ZNF135: variants seen among roughly 807,000 people sequenced by gnomAD.
ZNF135 encodes the protein zinc finger protein 135 (clone pHZ-17).
In ZNF135, 11 loss-of-function variants were observed where a neutral mutation model predicts 12.3. The ratio of observed to expected loss-of-function variants is 0.89; its 90% CI spans 0.56 to 1.48. ZNF135 has a LOEUF of 1.48. Among genes scored for constraint, ZNF135 ranks in the 40% most tolerant of loss-of-function variants. The probability of loss-of-function intolerance (pLI) is 0.00; values close to 1 mark genes in which losing one functional copy is unlikely to be tolerated. For missense variants in ZNF135, 722 were observed against 815.7 expected, an observed-to-expected ratio of 0.89 and a Z score of 1.40; for synonymous variants, 316 against 312.0, an observed-to-expected ratio of 1.01 and a Z score of -0.14.
chr19:58,062,539 C>T (rs553047790), intron 3 of ZNF135, among the ~76,000 whole-genome samples: 124 of 135,028 alleles, frequency 9.2e-4, no homozygotes, highest in Middle Eastern at 3.7e-3. Flanking sequence ...CCCACCACCA[C>T]GCCTGGCTAA....
Position 58,068,409 on chromosome 19 carries a change from C to A in ZNF135, c.1925C>A (p.Ala642Asp), listed in dbSNP as rs1432719176. The change falls in exon 5 of 5, where the codon GCC becomes GAC. Residue 642 changes from alanine to aspartate, a missense_variant. By Grantham distance (126) the Ala-to-Asp change is moderately radical (BLOSUM62 -2). Coordinates refer to ENST00000313434, the MANE Select transcript of ZNF135 (RefSeq NM_001289401.2). The stretch of plus-strand genomic sequence containing the variant: ...TATGCATGCAGGGACTGTGGAAAGG[C>A]CTTTACCCACAGCTCCTCCCTTACC... ...KPYACRDCGK[A>D]FTHSSSLTKH... 6.2e-7 allele frequency: 1 copy of A among 1,614,152 alleles called. No homozygotes were observed. The highest frequency in any genetic ancestry group is 2.2e-5 in the East Asian group (1 of 44,888).
At position 58,069,031 on chromosome 19, in the gene ZNF135, TACTG is replaced by T. The variant is rs2074126317; in HGVS notation, c.*575_*578del. On this transcript the variant is annotated 3_prime_UTR_variant, in exon 5 of 5. Coordinates refer to ENST00000313434, the MANE Select transcript of ZNF135 (RefSeq NM_001289401.2). ...GGCATCTTTATGGAATCACTGTGGA[TACTG>T]ACTGTCTCAGTAAACAGCTGTCTTG... 1 of 157,674 alleles carries T rather than the reference TACTG, an allele frequency of 6.3e-6. No homozygotes were observed. The highest frequency in any genetic ancestry group is 1.9e-4 in the South Asian group (1 of 5,348). The allele number at this position is 157,674 out of a possible 1,614,324, so 9.8% of individuals were successfully genotyped here.
At position 58,059,422 on chromosome 19, in the gene ZNF135, C is replaced by T. The variant is rs1028386273; in HGVS notation, c.-35+112C>T. The T allele has an allele frequency of 4.0e-6, 4 of 1,002,156 alleles. No individual in the cohort carries two copies. The highest frequency in any genetic ancestry group is 1.7e-5 in the African/African-American group (1 of 57,766). 62.1% of individuals were successfully genotyped at this position (1,002,156 alleles called of 1,614,324 possible). ...CCCTGGCGGGGCGAGTTTCCAGCAGCGCGCGTCTGTGTGGAGTCCGTTTTG... is the reference window on the plus strand; with the variant it reads ...CCCTGGCGGGGCGAGTTTCCAGCAGTGCGCGTCTGTGTGGAGTCCGTTTTG... On this transcript the variant is annotated intron_variant, in intron 1 of 4. Transcript: ENST00000313434. This position sits in a 1 kb window ranked among gnomAD's most constrained non-coding sequence, Gnocchi z 6.5.
intron 3 of ZNF135, among the ~76,000 whole-genome samples, chr19:58,062,475 C>T (rs1343450180): frequency 3.9e-5 from 6 of 152,056 alleles, no homozygotes; most frequent in Admixed American, 6.6e-5. Context: ...CTCTGCCTCC[C>T]GGGTTCACAC....
At chr19:58,061,821 CT>C in intron 3 of ZNF135, 115 bp downstream of exon 3, 1 of 1,358,136 alleles carries the variant, frequency 7.4e-7, no homozygotes, top group Non-Finnish European at 9.8e-7. Context: ...GGCTGTATGT[CT>C]TGGGCTTTAA....
At position 58,068,605 on chromosome 19, in the gene ZNF135, A is replaced by G. The variant is rs1879852664; in HGVS notation, c.*144A>G. On this transcript the variant is annotated 3_prime_UTR_variant, in exon 5 of 5. Coordinates refer to ENST00000313434, the MANE Select transcript of ZNF135 (RefSeq NM_001289401.2). ...GCACTCCCCTCAGACACCCTCAGAG[A>G]GTTCACACTGATGGGAAATGACCAT... 5 of 876,190 alleles carry G rather than the reference A, an allele frequency of 5.7e-6. No individual in the cohort carries two copies. The highest frequency in any genetic ancestry group is 8.5e-6 in the Non-Finnish European group (5 of 589,800). The allele number at this position is 876,190 out of a possible 1,614,324, so 54.3% of individuals were successfully genotyped here.
rs1045465868 is a variant in ZNF135 at position 58,059,300 on chromosome 19, C to T, written c.-45C>T. On this transcript the variant is annotated 5_prime_UTR_variant, in exon 1 of 5. Transcript: ENST00000313434. The surrounding 1 kb of genome is among the most constrained non-coding windows in gnomAD (Gnocchi z 6.5). ...TGCCGGTGCCGCGGCCTTTGTCTCG[C>T]AGTCAGGAGGGTGAGCTAGGCCGGC... The T allele has an allele frequency of 2.6e-6, 4 of 1,534,140 alleles. No homozygotes were observed. Among genetic ancestry groups the T allele is most frequent in the Non-Finnish European group, 3.5e-6 (4 of 1,147,912 alleles).
At position 58,060,010 on chromosome 19, in the gene ZNF135, C is replaced by T; in HGVS notation, c.8C>T (p.Pro3Leu). The T allele has an allele frequency of 6.2e-7, 1 of 1,613,542 alleles. No homozygotes were observed. Among genetic ancestry groups the T allele is most frequent in the Non-Finnish European group, 8.5e-7 (1 of 1,179,852 alleles). ...CCTGCCAGAAGCCAGGGCATGACCC[C>T]TGGGGTGCGCGTCTCCACAGACCCG... MT[P>L]GVRVSTDPEQ... Residue 3 changes from proline (P) to leucine (L), a missense_variant, in exon 2 of 5, where the codon CCT becomes CTT. Transcript: ENST00000313434. This position sits in a 1 kb window ranked among gnomAD's most constrained non-coding sequence, Gnocchi z 4.9.
intron 2 of ZNF135, among the ~76,000 whole-genome samples, chr19:58,061,007 A>G (rs2073969460): frequency 6.6e-6 from 1 of 151,992 alleles, no homozygotes; most frequent in Non-Finnish European, 1.5e-5. Flanking sequence ...GGGCGCCTGT[A>G]GTCCCAGCTA....
At position 58,068,183 on chromosome 19, in the gene ZNF135, G is replaced by A. The variant is rs145588549; in HGVS notation, c.1699G>A (p.Glu567Lys). ...CTTCAGCCAGAGCTCCCTTCTCATC[G>A]AACACCAGAGGATTCACACCAAGGA... ...RAFSQSSLLI[E>K]HQRIHTKEKP... Residue 567 changes from glutamate (E) to lysine (K), a missense_variant, in exon 5 of 5, where the codon GAA (glutamate) becomes AAA (lysine). Coordinates refer to ENST00000313434, the MANE Select transcript of ZNF135 (RefSeq NM_001289401.2). 50 of 1,612,726 alleles carry A rather than the reference G, an allele frequency of 3.1e-5. No homozygotes were observed. In the African/African-American group the frequency reaches 3.9e-4, roughly 13 times the overall value.
rs142143078 is a variant in ZNF135 at position 58,067,335 on chromosome 19, C to T, written c.851C>T (p.Pro284Leu). The T allele has an allele frequency of 1.5e-5, 25 of 1,613,882 alleles. No individual in the cohort carries two copies. In the African/African-American group the frequency reaches 3.1e-4, roughly 20 times the overall value. ...QCGRTFNQIA[P>L]LIQHQRTHTG... ...GGGAGGACCTTCAACCAAATTGCCC[C>T]ACTGATCCAGCACCAGAGAACTCAC... The change falls in exon 5 of 5, where the codon CCA becomes CTA. Residue 284 changes from proline to leucine, a missense_variant. By Grantham distance (98) the Pro-to-Leu change is moderately conservative (BLOSUM62 -3). Transcript: ENST00000313434.
chr19:58,060,172 T>C lies in ZNF135; in HGVS notation c.33+137T>C. The C allele has an allele frequency of 6.6e-7, 1 of 1,521,252 alleles. No homozygotes were observed. Among genetic ancestry groups the C allele is most frequent in the South Asian group, 1.2e-5 (1 of 82,388 alleles). 94.2% of individuals were successfully genotyped at this position (1,521,252 alleles called of 1,614,324 possible). On this transcript the variant is annotated intron_variant, in intron 2 of 4. Transcript: ENST00000313434. The surrounding 1 kb of genome is among the most constrained non-coding windows in gnomAD (Gnocchi z 4.9). Reference sequence around the variant, plus strand: ...CCTCCTCCTTGTGCCCGGCCCCTACTTGCGTGCCCGGCCCCTACTCGTGCC... The same window carrying C: ...CCTCCTCCTTGTGCCCGGCCCCTACCTGCGTGCCCGGCCCCTACTCGTGCC...
chr19:58,062,627 G>A (rs190577470), intron 3 of ZNF135, among the ~76,000 whole-genome samples: 4 of 151,132 alleles, frequency 2.6e-5, no homozygotes, highest in South Asian at 2.1e-4. Context: ...TCCTGACCTC[G>A]TGATGCACCC....
upstream of ZNF135, chr19:58,059,267 G>A (rs2073919277): frequency 1.3e-6 from 2 of 1,581,058 alleles, no homozygotes; most frequent in African/African-American, 1.4e-5. The surrounding 1 kb of genome is among the most constrained non-coding windows in gnomAD (Gnocchi z 6.5). Flanking sequence ...CGCCGGCGCA[G>A]TGTCGGCTGC....
chr19:58,060,065 C>T lies in ZNF135; in HGVS notation c.33+30C>T, dbSNP rs771474011. 1.9e-6 allele frequency: 3 copies of T among 1,612,524 alleles called. No individual in the cohort carries two copies. In the South Asian group the frequency reaches 3.3e-5, roughly 18 times the overall value. ...GAATCTCGGCCTCCTTGCGCGTGTC[C>T]TCCACCTCGTGCCCGGCCTCCTCGC... On this transcript the variant is annotated intron_variant, in intron 2 of 4. Transcript: ENST00000313434. The surrounding 1 kb of genome is among the most constrained non-coding windows in gnomAD (Gnocchi z 4.9).
rs2074007309 is a variant in ZNF135 at position 58,063,038 on chromosome 19, G to C, written c.161-408G>C. ...ATTCAGACCATAGCAATCTCTTTCT[G>C]GCTTCATTTCCAGAGAGGCTCCTCT... On this transcript the variant is annotated intron_variant, in intron 3 of 4. Coordinates refer to ENST00000313434, the MANE Select transcript of ZNF135 (RefSeq NM_001289401.2). The surrounding 1 kb of genome is among the most constrained non-coding windows in gnomAD (Gnocchi z 4.4). Among the ~76,000 whole-genome samples, 4 of 152,134 alleles carry C rather than the reference G, an allele frequency of 2.6e-5. No individual in the cohort carries two copies. The South Asian group carries it at 8.3e-4, about 31-fold the overall frequency.
chr19:58,059,604 C>T lies in ZNF135; in HGVS notation c.-35+294C>T. ...GCGCGCCCCGCCCCTGGCCCCACCT[C>T]TGCCCCACACCGGGCACTGGGCCGC... On this transcript the variant is annotated intron_variant, in intron 1 of 4. Transcript: ENST00000313434. The surrounding 1 kb of genome is among the most constrained non-coding windows in gnomAD (Gnocchi z 6.5). 1 of 521,916 alleles carries T rather than the reference C, an allele frequency of 1.9e-6. No individual in the cohort carries two copies. Among genetic ancestry groups the T allele is most frequent in the Non-Finnish European group, 3.3e-6 (1 of 298,678 alleles). The allele number at this position is 521,916 out of a possible 1,614,324, so 32.3% of individuals were successfully genotyped here. A position where few individuals can be genotyped will look rare whatever the true frequency, so the allele number is the denominator to read the frequency against.
chr19:58,061,600 C>T lies in ZNF135; in HGVS notation c.54C>T (p.Asp18=), dbSNP rs764321307. The change falls in exon 3 of 5, where the codon GAC becomes GAT. Residue 18 remains aspartate, a synonymous_variant. Coordinates refer to ENST00000313434, the MANE Select transcript of ZNF135 (RefSeq NM_001289401.2). ...STDPEQVTFE[D]VVVGFSQEEW... ...TTCAGGAGCAAGTGACGTTTGAGGA[C>T]GTGGTAGTGGGCTTCAGCCAGGAGG... 43 of 1,613,142 alleles carry T rather than the reference C, an allele frequency of 2.7e-5. No individual in the cohort carries two copies. In the Admixed American group the frequency reaches 3.3e-4, roughly 13 times the overall value.
rs765169832 is a variant in ZNF135, at chr19:58,067,271, A to G, written c.787A>G (p.Ile263Val). ...CTCGGCACTTACCAAACACCAGAGA[A>G]TCCATACTGGGGAGAAACCCTATAA... ...NSSALTKHQR[I>V]HTGEKPYKCT... The change falls in exon 5 of 5, where the codon ATC becomes GTC. Residue 263 changes from isoleucine (I) to valine (V), a missense_variant. Physicochemically the swap from Ile to Val is conservative, Grantham distance 29 (BLOSUM62 3). Coordinates refer to ENST00000313434, the MANE Select transcript of ZNF135 (RefSeq NM_001289401.2). 3 of 1,614,234 alleles carry G rather than the reference A, an allele frequency of 1.9e-6. No homozygotes were observed. The highest frequency in any genetic ancestry group is 1.7e-6 in the Non-Finnish European group (2 of 1,180,050).
Sources: gnomAD v4.1 joint callset for allele counts (sites outside exome capture counted in the v4.1 genomes callset) on GRCh38, gnomAD v4.1.1 for gene constraint, Gnocchi (gnomAD v3.1) non-coding constraint, MANE v1.5 for transcripts, NCBI Gene and HGNC (gene_info 2026-07-23, HGNC 2026-07-21) for gene names.